BAZ1A: variants seen among roughly 807,000 people sequenced by gnomAD.
BAZ1A encodes the protein bromodomain adjacent to zinc finger domain 1A, also known as bromodomain adjacent to zinc finger domain protein 1A.
BAZ1A carries 50 observed loss-of-function variants against 185.2 expected under a neutral mutation model. The ratio of observed to expected loss-of-function variants is 0.27; its 90% confidence interval spans 0.22 to 0.34. The LOEUF (loss-of-function observed/expected upper bound fraction) is 0.34, where lower values mean the gene tolerates loss of function less well. BAZ1A is among the 10% of genes least tolerant of loss of function. BAZ1A has a pLI of 1.00. For missense variants in BAZ1A, 1,356 were observed against 1,839.9 expected, an observed-to-expected ratio of 0.74 and a Z score of 4.81; for synonymous variants, 571 against 615.6, an observed-to-expected ratio of 0.93 and a Z score of 1.07.
At position 34,754,112 on chromosome 14, in the gene BAZ1A, C is replaced by T. The variant is rs544197947; in HGVS notation, c.4475-408G>A. Among the ~76,000 whole-genome samples, 17 of 150,738 alleles carry T rather than the reference C, an allele frequency of 1.1e-4. No individual in the cohort carries two copies. The East Asian group carries it at 2.9e-3, about 26-fold the overall frequency. ...TACTAAAAATACAAAAATAGTGGGG[C>T]GTGGTGGCGGGCATCTGTAATCCCA... On this transcript the variant is annotated intron_variant, in intron 26 of 26. Coordinates refer to ENST00000360310, the MANE Select transcript of BAZ1A (RefSeq NM_013448.3).
At chr14:34,777,388 A>G (rs1879703298) in intron 17 of BAZ1A, among the ~76,000 whole-genome samples, 1 of 152,254 alleles carries the variant, frequency 6.6e-6, no homozygotes, top group African/African-American at 2.4e-5. Context: ...CCATGCCTGT[A>G]ATCCCAGAAC....
intron 6 of BAZ1A, among the ~76,000 whole-genome samples, chr14:34,806,481 G>C (rs1881862069): frequency 6.6e-6 from 1 of 152,076 alleles, no homozygotes; most frequent in African/African-American, 2.4e-5. Context: ...CCAGGCTCAA[G>C]TGATCCTCCC....
intron 18 of BAZ1A, among the ~76,000 whole-genome samples, chr14:34,774,822 T>A (rs940829514): frequency 2.0e-5 from 3 of 152,094 alleles, no homozygotes; most frequent in African/African-American, 7.2e-5. Context: ...TAAAGAACTC[T>A]TACAGCACAA....
Position 34,773,981 on chromosome 14 carries a change from A to C in BAZ1A, c.2998-255T>G, listed in dbSNP as rs1879414854. On this transcript the variant is annotated intron_variant, in intron 19 of 26. Coordinates refer to ENST00000360310, the MANE Select transcript of BAZ1A (RefSeq NM_013448.3). ...AAGATTGGTCACTTGATAGCAGCAA[A>C]AAAGTGACAGATGATGGCAAAGGCA... Among the ~76,000 whole-genome samples the C allele has an allele frequency of 2.0e-5, 3 of 152,236 alleles. No individual in the cohort carries two copies. In the South Asian group the frequency reaches 6.2e-4, roughly 32 times the overall value.
chr14:34,832,417 A>G (rs2138732752), intron 3 of BAZ1A, among the ~76,000 whole-genome samples: 1 of 146,770 alleles, frequency 6.8e-6, no homozygotes, highest in South Asian at 2.3e-4. Flanking sequence ...AGGCAGACAA[A>G]GAGATGGCAG....
At chr14:34,865,129 T>G (rs557987994) in intron 2 of BAZ1A, among the ~76,000 whole-genome samples, 2 of 152,250 alleles carry the variant, frequency 1.3e-5, no homozygotes, top group South Asian at 4.1e-4. Context: ...GAGCCTGTAA[T>G]TCGAGCTACT....
intron 21 of BAZ1A, among the ~76,000 whole-genome samples, chr14:34,767,323 A>G (rs1029224215): frequency 1.3e-5 from 2 of 152,088 alleles, no homozygotes; most frequent in Non-Finnish European, 2.9e-5. Context: ...GCTGAGGGGA[A>G]TGGATCACAT....
Position 34,776,420 on chromosome 14 carries a change from A to G in BAZ1A, c.2332T>C (p.Leu778=). The G allele has an allele frequency of 1.9e-6, 3 of 1,614,030 alleles. No individual in the cohort carries two copies. In the South Asian group the frequency reaches 3.3e-5, roughly 18 times the overall value. ...EPLTADEEEA[L]KQEHQRKEKE... is the part of the protein sequence containing the mutation. ...TCTTTTCGTTGGTGTTCCTGTTTTAATGCTTCTTCCTCATCAGCAGTAAGA... is the reference window on the plus strand; with the variant it reads ...TCTTTTCGTTGGTGTTCCTGTTTTAGTGCTTCTTCCTCATCAGCAGTAAGA... Residue 778 remains leucine (L), a synonymous_variant, in exon 18 of 27, where the codon TTA becomes CTA. Transcript: ENST00000360310.
chr14:34,790,859 T>C (rs983814182), intron 12 of BAZ1A, among the ~76,000 whole-genome samples: 5 of 152,164 alleles, frequency 3.3e-5, no homozygotes, highest in African/African-American at 1.2e-4. Context: ...GTGCGGTGTC[T>C]CAAGCTTGTA....
rs147149723 is a variant in BAZ1A, at chr14:34,765,250, C to A, written c.3320G>T (p.Arg1107Leu). The change falls in exon 22 of 27, where the codon CGT becomes CTT. Residue 1107 changes from arginine to leucine, a missense_variant. By Grantham distance (102) the Arg-to-Leu change is moderately radical (BLOSUM62 -2). Coordinates refer to ENST00000360310, the MANE Select transcript of BAZ1A (RefSeq NM_013448.3). Reference protein sequence around the residue: ...KAPLDASDSGRSYKTVLDRWR... With the variant: ...KAPLDASDSGLSYKTVLDRWR... Reference sequence around the variant, plus strand: ...ACGGTCCAGAACTGTTTTATAAGAACGCCCACTGTCACTGGCATCTTAAAT... The same window carrying A: ...ACGGTCCAGAACTGTTTTATAAGAAAGCCCACTGTCACTGGCATCTTAAAT... 8.1e-6 allele frequency: 13 copies of A among 1,613,288 alleles called. No homozygotes were observed. The South Asian group carries it at 1.2e-4, about 15-fold the overall frequency.
chr14:34,823,874 T>C (rs776116993), intron 4 of BAZ1A, among the ~76,000 whole-genome samples: 10 of 152,158 alleles, frequency 6.6e-5, no homozygotes, highest in Non-Finnish European at 8.8e-5. Flanking sequence ...TATTTGTACC[T>C]ATGTATACAC....
Position 34,805,282 on chromosome 14 carries a change from T to A in BAZ1A, c.726+2169A>T, listed in dbSNP as rs573528870. ...ATGGATTAATACACCAGCATATCCA[T>A]TAATAATCTTCTATTACACTCTAAG... On this transcript the variant is annotated intron_variant, in intron 6 of 26. Transcript: ENST00000360310. 3.5e-4 allele frequency among the ~76,000 whole-genome samples: 54 copies of A among 152,346 alleles called. No individual in the cohort carries two copies. The South Asian group carries it at 0.011, about 30-fold the overall frequency.
chr14:34,800,968 A>G, intron 8 of BAZ1A, 126 bp downstream of exon 8: 1 of 638,972 alleles, frequency 1.6e-6, no homozygotes, highest in East Asian at 3.1e-5. Flanking sequence ...TATCTGATAG[A>G]AAAAATAACT....
intron 3 of BAZ1A, among the ~76,000 whole-genome samples, chr14:34,831,117 A>G (rs920093808): frequency 6.6e-6 from 1 of 152,194 alleles, no homozygotes; most frequent in Non-Finnish European, 1.5e-5. Context: ...TATATCATTC[A>G]TTTGGTTATA....
chr14:34,758,484 G>A (rs1397297767), intron 25 of BAZ1A: 1 of 412,772 alleles, frequency 2.4e-6, no homozygotes, highest in Admixed American at 4.1e-5. Flanking sequence ...GGAAGCTGAG[G>A]CAGGAGAATC....
intron 3 of BAZ1A, among the ~76,000 whole-genome samples, chr14:34,826,626 A>G (rs763634935): frequency 1.3e-5 from 2 of 152,110 alleles, no homozygotes; most frequent in Non-Finnish European, 2.9e-5. Context: ...CCACTGGTTA[A>G]GAGTGTGTTT....
intron 14 of BAZ1A, among the ~76,000 whole-genome samples, 167 bp from the exon 15 acceptor site, chr14:34,784,094 C>T (rs117586007): frequency 0.012 from 1,864 of 151,804 alleles, 13 homozygotes; most frequent in Middle Eastern, 0.034. Context: ...ATGGGCCAGG[C>T]GCAGTGGCTC....
rs376656637 is a variant in BAZ1A at position 34,762,641 on chromosome 14, G to A, written c.3777-418C>T. Among the ~76,000 whole-genome samples the A allele has an allele frequency of 5.4e-4, 82 of 152,008 alleles. 1 individual carries two copies. The highest frequency in any genetic ancestry group is 1.8e-3 in the African/African-American group (76 of 41,484). On this transcript the variant is annotated intron_variant, in intron 23 of 26. Coordinates refer to ENST00000360310, the MANE Select transcript of BAZ1A (RefSeq NM_013448.3). ...GTACCACCATGCCTGGCTAATTTTTGTAGTTTTTTGTAGAGATGGGGTTTT... is the reference window on the plus strand; with the variant it reads ...GTACCACCATGCCTGGCTAATTTTTATAGTTTTTTGTAGAGATGGGGTTTT...
At chr14:34,819,166 A>T (rs1386257637) in intron 4 of BAZ1A, among the ~76,000 whole-genome samples, 1 of 108,784 alleles carries the variant, frequency 9.2e-6, no homozygotes, top group Non-Finnish European at 2.3e-5. Flanking sequence ...AAAAAAAAAA[A>T]GAATGAATCT....
Sources: gnomAD v4.1 joint callset for allele counts (sites outside exome capture counted in the v4.1 genomes callset) on GRCh38, gnomAD v4.1.1 for gene constraint, MANE v1.5 for transcripts, NCBI Gene and HGNC (gene_info 2026-07-23, HGNC 2026-07-21) for gene names.